SRFBP1: variants seen among roughly 807,000 people sequenced by gnomAD.
SRFBP1 encodes serum response factor binding protein 1.
In SRFBP1, 47 loss-of-function variants were observed where a neutral mutation model predicts 45.5. The ratio of observed to expected loss-of-function variants is 1.03; its 90% CI spans 0.82 to 1.32. The LOEUF (loss-of-function observed/expected upper bound fraction) is 1.32. SRFBP1 is among the 40% of genes most tolerant of loss of function. The pLI, the probability that SRFBP1 is intolerant of heterozygous loss-of-function variation, is 0.00. For synonymous variants in SRFBP1, 203 were observed against 166.3 expected (o/e 1.22, Z -1.70); for missense variants, 621 against 484.6 (o/e 1.28, Z -2.64).
At chr5:122,051,450 A>G (rs902622675) in intron 2 of SRFBP1, among the ~76,000 whole-genome samples, 1 of 150,936 alleles carries the variant, frequency 6.6e-6, no homozygotes, top group African/African-American at 2.4e-5. Flanking sequence ...TTGGCTCCCT[A>G]TATATTTAGG....
intron 4 of SRFBP1, among the ~76,000 whole-genome samples, chr5:122,010,046 GT>G (rs1327217648): frequency 1.3e-5 from 2 of 152,076 alleles, no homozygotes; most frequent in Non-Finnish European, 2.9e-5. Flanking sequence ...CCATAAAATA[GT>G]AATAAGTATA....
chr5:121,971,783 G>T (rs1752205006), intron 1 of SRFBP1, among the ~76,000 whole-genome samples: 1 of 151,982 alleles, frequency 6.6e-6, no homozygotes, highest in Non-Finnish European at 1.5e-5. Flanking sequence ...GAGTAGAAAG[G>T]AAAGAAGAAA....
At chr5:122,030,930 A>G (rs982699904), downstream of SRFBP1, among the ~76,000 whole-genome samples, 2 of 152,182 alleles carry the variant, frequency 1.3e-5, no homozygotes, top group Admixed American at 1.3e-4. Context: ...TTTGGAATCA[A>G]GGAGATTATG....
At chr5:122,077,776 C>T (rs1365060314), downstream of SRFBP1, 5 of 1,549,262 alleles carry the variant, frequency 3.2e-6, no homozygotes, top group Middle Eastern at 1.7e-4. This position sits in a 1 kb window ranked among gnomAD's most constrained non-coding sequence, Gnocchi z 4.9. Context: ...CGCCCGGGTC[C>T]CGGCGGCGCT....
downstream of SRFBP1, among the ~76,000 whole-genome samples, chr5:122,029,162 T>C (rs1038122347): frequency 6.6e-6 from 1 of 152,118 alleles, no homozygotes; most frequent in Admixed American, 6.6e-5. Flanking sequence ...CTAGCAGATA[T>C]AGGCCTGGGA....
intron 2 of SRFBP1, among the ~76,000 whole-genome samples, chr5:122,034,920 T>G (rs541262438): frequency 6.6e-6 from 1 of 152,332 alleles, no homozygotes; most frequent in East Asian, 1.9e-4. Flanking sequence ...ACACCAAAAC[T>G]CTTCACTGTA....
At chr5:122,069,992 G>C (rs781557594) in intron 2 of SRFBP1, 2 of 1,181,640 alleles carry the variant, frequency 1.7e-6, no homozygotes, top group Non-Finnish European at 1.3e-6. Flanking sequence ...TATGTATAAT[G>C]TTTGGCATGA....
At chr5:121,973,491 A>G (rs1026684160) in intron 1 of SRFBP1, among the ~76,000 whole-genome samples, 3 of 151,074 alleles carry the variant, frequency 2.0e-5, no homozygotes, top group Admixed American at 6.6e-5. Context: ...TATAATGTGT[A>G]TTTTTTTTAT....
In SRFBP1 at chr5:122,046,153, C is replaced by T. The variant is rs537655224; in HGVS notation, n.311+23746C>T. 2.2e-4 allele frequency among the ~76,000 whole-genome samples: 33 copies of T among 152,102 alleles called. No homozygotes were observed. The South Asian group carries it at 4.2e-3, about 19-fold the overall frequency. ...TGTTGGTGTGCTGCACCCATTAACT[C>T]GTTATTTAATATTAGGTATATCTCC... On this transcript the variant is annotated intron_variant and non_coding_transcript_variant, in intron 2 of 2. Coordinates refer to the SRFBP1 transcript ENST00000504881.
intron 2 of SRFBP1, among the ~76,000 whole-genome samples, chr5:122,041,207 GGA>G (rs1753767720): frequency 6.6e-6 from 1 of 152,006 alleles, no homozygotes; most frequent in African/African-American, 2.4e-5. Flanking sequence ...AATGAGAATG[GGA>G]GAGAGAGTGA....
intron 2 of SRFBP1, among the ~76,000 whole-genome samples, chr5:122,053,258 A>C (rs1029302106): frequency 6.6e-6 from 1 of 152,126 alleles, no homozygotes; most frequent in African/African-American, 2.4e-5. Context: ...TTTAGGAGGC[A>C]GGGCTGGATG....
At chr5:122,001,177 A>G (rs201214977) in intron 4 of SRFBP1, among the ~76,000 whole-genome samples, 2 of 151,932 alleles carry the variant, frequency 1.3e-5, no homozygotes, top group East Asian at 3.9e-4. Flanking sequence ...ATACTTTAAA[A>G]TATACTATGA....
At chr5:121,966,190 C>T (rs1324843600) in intron 1 of SRFBP1, among the ~76,000 whole-genome samples, 1 of 152,128 alleles carries the variant, frequency 6.6e-6, no homozygotes, top group Non-Finnish European at 1.5e-5. Context: ...CTTTCTCTTG[C>T]CTGATTACCC....
chr5:121,976,066 T>C (rs954850477), intron 3 of SRFBP1, among the ~76,000 whole-genome samples: 2 of 152,080 alleles, frequency 1.3e-5, no homozygotes, highest in African/African-American at 4.8e-5. Flanking sequence ...TTTGCATGCA[T>C]GTTTGCCTAT....
intron 2 of SRFBP1, chr5:122,074,001 G>A: frequency 6.2e-7 from 1 of 1,603,480 alleles, no homozygotes; most frequent in Non-Finnish European, 8.5e-7. Flanking sequence ...GGATTTCAGG[G>A]TGCCAACATA....
At chr5:122,040,791 G>A (rs1490873215) in intron 2 of SRFBP1, among the ~76,000 whole-genome samples, 1 of 152,140 alleles carries the variant, frequency 6.6e-6, no homozygotes, top group African/African-American at 2.4e-5. Flanking sequence ...TTGAATTTAT[G>A]TTCTGCACTT....
At chr5:121,986,883 A>G (rs767367849) in intron 3 of SRFBP1, among the ~76,000 whole-genome samples, 4 of 152,134 alleles carry the variant, frequency 2.6e-5, no homozygotes, top group Non-Finnish European at 5.9e-5. Flanking sequence ...ACATATTACA[A>G]AGATATTGAG....
intron 1 of SRFBP1, among the ~76,000 whole-genome samples, chr5:121,973,865 G>T (rs148540853): frequency 6.6e-6 from 1 of 151,950 alleles, no homozygotes; most frequent in East Asian, 1.9e-4. Flanking sequence ...AGATGAATAT[G>T]ACAGGCTGTG....
At chr5:122,004,774 T>C (rs1316873701) in intron 4 of SRFBP1, among the ~76,000 whole-genome samples, 2 of 152,176 alleles carry the variant, frequency 1.3e-5, no homozygotes, top group Non-Finnish European at 2.9e-5. Context: ...TTTTGATGTA[T>C]GCATTTATTG....
Sources: gnomAD v4.1 joint callset for allele counts (sites outside exome capture counted in the v4.1 genomes callset) on GRCh38, gnomAD v4.1.1 for gene constraint, Gnocchi (gnomAD v3.1) non-coding constraint, MANE v1.5 for transcripts, NCBI Gene and HGNC (gene_info 2026-07-23, HGNC 2026-07-21) for gene names.